SORCS2: variants seen among roughly 807,000 people sequenced by gnomAD.
SORCS2 encodes VPS10 domain-containing receptor SorCS2.
A neutral mutation model predicts 141.6 loss-of-function variants in SORCS2; 100 were observed. The observed-to-expected ratio is 0.71, with a 90% CI of 0.60 to 0.83. The LOEUF (loss-of-function observed/expected upper bound fraction) is 0.83. Ranked by LOEUF, SORCS2 falls within the 40% of genes least tolerant of loss-of-function variation. The probability of loss-of-function intolerance (pLI) is 0.00; values close to 1 mark genes in which losing one functional copy is unlikely to be tolerated. For missense variants in SORCS2, 1,646 were observed against 1,560.2 expected (o/e 1.05, Z -0.93); for synonymous variants, 789 against 676.9 (o/e 1.17, Z -2.57).
At chr4:7,575,809 A>C (rs1000095495) in intron 3 of SORCS2, among the ~76,000 whole-genome samples, 2 of 152,150 alleles carry the variant, frequency 1.3e-5, no homozygotes, top group Admixed American at 1.3e-4. Context: ...CTTCTTTTCC[A>C]AGTTGAACCC....
rs1226189063 is a variant in SORCS2, at chr4:7,737,039, A to G, written c.3312-30A>G. 5 of 1,549,856 alleles carry G rather than the reference A, an allele frequency of 3.2e-6. No individual in the cohort carries two copies. In the East Asian group the frequency reaches 9.8e-5, roughly 30 times the overall value. On this transcript the variant is annotated intron_variant, in intron 25 of 26. Transcript: ENST00000507866. ...ACAGGCGGCCTGGGAAGCCCCTCCA[A>G]GCTGAGCCGCCCTTGCCTCTGTCCA...
At chr4:7,242,463 C>T (rs1394508047) in intron 1 of SORCS2, among the ~76,000 whole-genome samples, 3 of 152,074 alleles carry the variant, frequency 2.0e-5, no homozygotes, top group African/African-American at 7.2e-5. Flanking sequence ...CCCGGCCTCC[C>T]AAAGTGCTGG....
chr4:7,458,180 G>A (rs905349824), intron 2 of SORCS2, among the ~76,000 whole-genome samples: 1 of 152,192 alleles, frequency 6.6e-6, no homozygotes, highest in Admixed American at 6.5e-5. Flanking sequence ...GCCTGGGAAG[G>A]CATTGCTGAG....
intron 1 of SORCS2, among the ~76,000 whole-genome samples, chr4:7,353,180 C>T (rs530961963): frequency 1.6e-4 from 24 of 152,254 alleles, no homozygotes; most frequent in Middle Eastern, 3.4e-3. Context: ...GAACTGCCAG[C>T]GAGGGCAGGG....
chr4:7,246,001 T>A (rs1023146119), intron 1 of SORCS2, among the ~76,000 whole-genome samples: 1 of 152,194 alleles, frequency 6.6e-6, no homozygotes, highest in African/African-American at 2.4e-5. Context: ...GGGGTGCATT[T>A]TGCCTTGATG....
intron 8 of SORCS2, among the ~76,000 whole-genome samples, chr4:7,674,877 C>A (rs1283719442): frequency 6.6e-6 from 1 of 152,070 alleles, no homozygotes. Flanking sequence ...CATCCCCAAG[C>A]ATCCCAGCCA....
At chr4:7,533,149 A>C (rs116574262) in intron 3 of SORCS2, among the ~76,000 whole-genome samples, 1,987 of 152,188 alleles carry the variant, frequency 0.013, 46 homozygotes, top group African/African-American at 0.045. Context: ...GCTCAGTCTC[A>C]CACCTGGTGG....
rs536346265 is a variant in SORCS2, at chr4:7,548,962, G to C, written c.648+17333G>C. Among the ~76,000 whole-genome samples the C allele has an allele frequency of 5.3e-5, 8 of 152,290 alleles. No homozygotes were observed. The South Asian group carries it at 1.7e-3, about 32-fold the overall frequency. On this transcript the variant is annotated intron_variant, in intron 3 of 26. Coordinates refer to ENST00000507866, the MANE Select transcript of SORCS2 (RefSeq NM_020777.3). ...ATTCCCGAGGCATCAGCATAGCCTGGGGAGCTGATGCTCTCATTGGCTGGG... is the reference window on the plus strand; with the variant it reads ...ATTCCCGAGGCATCAGCATAGCCTGCGGAGCTGATGCTCTCATTGGCTGGG...
chr4:7,384,190 C>G (rs1302631462), intron 1 of SORCS2, among the ~76,000 whole-genome samples: 3 of 152,054 alleles, frequency 2.0e-5, no homozygotes, highest in Non-Finnish European at 4.4e-5. Context: ...GCCATCCAGC[C>G]CTCCTTGCGT....
intron 2 of SORCS2, chr4:7,431,247 C>G (rs1463269227): frequency 6.6e-6 from 1 of 152,322 alleles, no homozygotes; most frequent in Non-Finnish European, 1.5e-5. Context: ...AGCTGGTACC[C>G]AGGCCCAAGG....
At chr4:7,412,969 C>T (rs1725415100) in intron 2 of SORCS2, among the ~76,000 whole-genome samples, 1 of 152,284 alleles carries the variant, frequency 6.6e-6, no homozygotes, top group Middle Eastern at 3.4e-3. Flanking sequence ...ACCATGAGCC[C>T]AGGGGCTTTC....
chr4:7,204,306 C>T (rs1328713993), intron 1 of SORCS2, among the ~76,000 whole-genome samples: 1 of 152,134 alleles, frequency 6.6e-6, no homozygotes, highest in Non-Finnish European at 1.5e-5. Context: ...GCCTCAACCT[C>T]CTCTGACTAA....
At chr4:7,470,370 C>T (rs1444090485) in intron 2 of SORCS2, among the ~76,000 whole-genome samples, 1 of 150,904 alleles carries the variant, frequency 6.6e-6, no homozygotes, top group Non-Finnish European at 1.5e-5. Flanking sequence ...TCCATCCATC[C>T]TTCCATCCAT....
chr4:7,235,568 G>C (rs948754304), intron 1 of SORCS2, among the ~76,000 whole-genome samples: 1 of 152,382 alleles, frequency 6.6e-6, no homozygotes, highest in South Asian at 2.1e-4. Context: ...GATTAGCGGG[G>C]AGGTGTTTGT....
chr4:7,487,008 C>T lies in SORCS2; in HGVS notation c.549-44522C>T, dbSNP rs183701184. ...ACCCTCTACCGACCTCAGCGGGAAG[C>T]GGCTGCATTTGCAGGCTGCCTGTCT... On this transcript the variant is annotated intron_variant, in intron 2 of 26. Transcript: ENST00000507866. Among the ~76,000 whole-genome samples, 40 of 152,344 alleles carry T rather than the reference C, an allele frequency of 2.6e-4. No homozygotes were observed. In the East Asian group the frequency reaches 4.6e-3, roughly 18 times the overall value.
At chr4:7,619,182 A>G (rs1718976655) in intron 3 of SORCS2, among the ~76,000 whole-genome samples, 3 of 152,082 alleles carry the variant, frequency 2.0e-5, no homozygotes, top group Non-Finnish European at 4.4e-5. Context: ...TGCGTGTGCC[A>G]CTCGGCACCT....
chr4:7,269,024 G>C (rs2108838311), intron 1 of SORCS2, among the ~76,000 whole-genome samples: 1 of 152,338 alleles, frequency 6.6e-6, no homozygotes, highest in East Asian at 1.9e-4. Flanking sequence ...GCTGGGGCCT[G>C]GTGGTTGGCA....
At chr4:7,210,383 G>A (rs1442532358) in intron 1 of SORCS2, among the ~76,000 whole-genome samples, 1 of 152,200 alleles carries the variant, frequency 6.6e-6, no homozygotes, top group Admixed American at 6.5e-5. Flanking sequence ...CTGGGCTCAC[G>A]CCCTCCTCCT....
chr4:7,260,303 G>A (rs953313548), intron 1 of SORCS2, among the ~76,000 whole-genome samples: 1 of 152,196 alleles, frequency 6.6e-6, no homozygotes, highest in Non-Finnish European at 1.5e-5. Context: ...TCTGCTGTGT[G>A]GGTTTATCAT....
Sources: allele counts gnomAD v4.1 joint callset (sites outside exome capture counted in the v4.1 genomes callset), GRCh38; gene constraint gnomAD v4.1.1; transcripts MANE v1.5; gene names NCBI Gene and HGNC (gene_info 2026-07-23, HGNC 2026-07-21).